Variants in BBOF1 observed in about 807,000 individuals in gnomAD.
The protein encoded by BBOF1 is basal body-orientation factor 1.
Under a neutral mutation model 68.0 loss-of-function variants are expected in BBOF1, and 62 were observed. The observed-to-expected ratio is 0.91, with a 90% CI of 0.74 to 1.13. BBOF1 has a LOEUF of 1.13. BBOF1 is among the 50% of genes most tolerant of loss of function. The probability of loss-of-function intolerance (pLI) is 0.00; values close to 1 mark genes in which losing one functional copy is unlikely to be tolerated. For missense variants in BBOF1, 534 were observed against 600.1 expected (o/e 0.89, Z 1.15); for synonymous variants, 208 against 198.8 (o/e 1.05, Z -0.39).
chr14:74,045,790 A>C (rs2139575249), intron 5 of BBOF1, among the ~76,000 whole-genome samples: 1 of 152,264 alleles, frequency 6.6e-6, no homozygotes, highest in Middle Eastern at 3.4e-3. Flanking sequence ...ATTTAGCAGA[A>C]ATTCCTCCTC....
At position 74,064,885 on chromosome 14, in the gene BBOF1, T is replaced by C; in HGVS notation, c.*186T>C. 6.2e-7 allele frequency: 1 copy of C among 1,614,106 alleles called. No homozygotes were observed. The highest frequency in any genetic ancestry group is 1.1e-5 in the South Asian group (1 of 91,082). On this transcript the variant is annotated 3_prime_UTR_variant, in exon 12 of 12. Transcript: ENST00000394009. ...ATCGAGAGCCGGTGAATGAGAACATTGGCAAAGGCACTGGAATGGGGACAT... is the reference window on the plus strand; with the variant it reads ...ATCGAGAGCCGGTGAATGAGAACATCGGCAAAGGCACTGGAATGGGGACAT...
intron 4 of BBOF1, among the ~76,000 whole-genome samples, chr14:74,040,058 G>A (rs1020325397): frequency 2.8e-5 from 4 of 145,238 alleles, no homozygotes; most frequent in African/African-American, 1.0e-4. Context: ...AGCAATGTGG[G>A]CTCACTGCAG....
Position 74,040,561 on chromosome 14 carries a change from T to G in BBOF1, c.496-4T>G. ...TTTTTGTTTGTTTGTTATTTTAATT[T>G]TAGCTGAAAGAGAATTTAAGAAACA... On this transcript the variant is annotated splice_region_variant and splice_polypyrimidine_tract_variant and intron_variant, in intron 4 of 11. Coordinates refer to ENST00000394009, the MANE Select transcript of BBOF1 (RefSeq NM_025057.3). The G allele has an allele frequency of 6.4e-7, 1 of 1,556,168 alleles. No homozygotes were observed. Among genetic ancestry groups the G allele is most frequent in the East Asian group, 2.3e-5 (1 of 43,952 alleles).
chr14:74,069,105 T>TTTC, downstream of BBOF1: 2 of 913,952 alleles, frequency 2.2e-6, no homozygotes, highest in East Asian at 3.2e-5. Context: ...CTTTTTCTTT[T>TTTC]TTTTTTTTTT....
chr14:74,046,265 C>T, intron 6 of BBOF1, 135 bp downstream of exon 6: 2 of 652,424 alleles, frequency 3.1e-6, no homozygotes, highest in South Asian at 4.8e-5. Context: ...TACTGTCCCT[C>T]CCTGTTTCTT....
chr14:74,047,322 G>A (rs1010490918), intron 6 of BBOF1, among the ~76,000 whole-genome samples: 2 of 152,170 alleles, frequency 1.3e-5, no homozygotes, highest in East Asian at 1.9e-4. Flanking sequence ...AGTTTTTCAC[G>A]TCTAGTCATG....
chr14:74,056,198 A>ATTTT (rs34594924), intron 9 of BBOF1, among the ~76,000 whole-genome samples: 2,119 of 123,872 alleles, frequency 0.017, 69 homozygotes, highest in African/African-American at 0.059. Flanking sequence ...CGCCCGGCTA[A>ATTTT]TTTTTTTTTT....
intron 11 of BBOF1, chr14:74,059,284 T>G: frequency 2.4e-6 from 1 of 408,262 alleles, no homozygotes; most frequent in East Asian, 7.5e-5. Context: ...ATATATAAAA[T>G]TTGGCAAGTA....
intron 10 of BBOF1, chr14:74,081,019 C>T (rs967272684): frequency 6.6e-6 from 1 of 152,248 alleles, no homozygotes; most frequent in Non-Finnish European, 1.5e-5. Flanking sequence ...CTCTCTCTTG[C>T]CTGGCACTGT....
At chr14:74,057,746 C>A in intron 11 of BBOF1, 2 of 1,154,412 alleles carry the variant, frequency 1.7e-6, no homozygotes, top group Admixed American at 4.1e-5. Flanking sequence ...AATGAAGCCA[C>A]ATTAGAACAA....
At chr14:74,057,116 C>T (rs373110080) in intron 10 of BBOF1, 28 bp from the exon 11 acceptor site, 256 of 1,604,216 alleles carry the variant, frequency 1.6e-4, no homozygotes, top group Middle Eastern at 6.7e-4. Context: ...GAGTTGTTGA[C>T]GGTTCTGTTA....
In BBOF1 at chr14:74,029,176, T is replaced by C; in HGVS notation, c.286-8T>C. On this transcript the variant is annotated splice_region_variant and splice_polypyrimidine_tract_variant and intron_variant, in intron 2 of 11. Transcript: ENST00000394009. ...ATCTTCATGACCCTGTATTTTGATT[T>C]TCAACAGATTGAAAAACTGAAACAG... 6.5e-7 allele frequency: 1 copy of C among 1,541,490 alleles called. No individual in the cohort carries two copies.
chr14:74,045,916 G>A, intron 5 of BBOF1, 144 bp from the exon 6 acceptor site: 2 of 623,828 alleles, frequency 3.2e-6, no homozygotes, highest in Non-Finnish European at 2.7e-6. Flanking sequence ...TGTCCTCTTT[G>A]TCAGCTTCTC....
At chr14:74,069,132 T>C, downstream of BBOF1, 4 of 787,844 alleles carry the variant, frequency 5.1e-6, no homozygotes, top group Non-Finnish European at 7.3e-6. Flanking sequence ...TGAGACGGAG[T>C]CTCGCTCTGT....
At chr14:74,067,505 A>C (rs758405647), downstream of BBOF1, 1 of 1,614,110 alleles carries the variant, frequency 6.2e-7, no homozygotes, top group South Asian at 1.1e-5. Flanking sequence ...TGCTGCCCCA[A>C]CCAGCTGGTT....
In BBOF1 at chr14:74,060,599, G is replaced by C. The variant is rs545399557; in HGVS notation, c.1578+3341G>C. The C allele has an allele frequency of 1.5e-4, 207 of 1,342,134 alleles. 1 individual carries two copies. The South Asian group carries it at 2.3e-3, about 15-fold the overall frequency. The allele number at this position is 1,342,134 out of a possible 1,614,324, so 83.1% of individuals were successfully genotyped here. ...ACAAATGAAGCTGGTCAAAAATAAAGGGAGATTACTCAGGATGGAGTCAGT... is the reference window on the plus strand; with the variant it reads ...ACAAATGAAGCTGGTCAAAAATAAACGGAGATTACTCAGGATGGAGTCAGT... On this transcript the variant is annotated intron_variant, in intron 11 of 11. Transcript: ENST00000394009.
In BBOF1 at chr14:74,065,150, T is replaced by C; in HGVS notation, c.*451T>C. Reference sequence around the variant, plus strand: ...CCTCTTAGGAAATAGTAAATGGATATAAGAATCTCTTAAAAATTCTGTTCA... The same window carrying C: ...CCTCTTAGGAAATAGTAAATGGATACAAGAATCTCTTAAAAATTCTGTTCA... On this transcript the variant is annotated 3_prime_UTR_variant, in exon 12 of 12. Transcript: ENST00000394009. The C allele has an allele frequency of 6.2e-7, 1 of 1,611,406 alleles. No individual in the cohort carries two copies. Among genetic ancestry groups the C allele is most frequent in the East Asian group, 2.2e-5 (1 of 44,866 alleles).
At chr14:74,039,093 A>G (rs1368064171) in intron 4 of BBOF1, among the ~76,000 whole-genome samples, 4 of 152,170 alleles carry the variant, frequency 2.6e-5, no homozygotes, top group Non-Finnish European at 5.9e-5. Flanking sequence ...AAAATGATCC[A>G]TCCCTTACAA....
In BBOF1 at chr14:74,064,673, T is replaced by C; in HGVS notation, c.1579-15T>C. The C allele has an allele frequency of 1.9e-6, 3 of 1,614,034 alleles. No homozygotes were observed. Among genetic ancestry groups the C allele is most frequent in the Non-Finnish European group, 2.5e-6 (3 of 1,179,926 alleles). ...AGCTTTGGCAAAATTTTGTTAACTT[T>C]TAAATCTTTTTTAGGGAACCTTCTG... is the stretch of plus-strand genomic sequence containing the variant. On this transcript the variant is annotated splice_polypyrimidine_tract_variant and intron_variant, in intron 11 of 11. Transcript: ENST00000394009.
Sources: gnomAD v4.1 joint callset for allele counts (sites outside exome capture counted in the v4.1 genomes callset) on GRCh38, gnomAD v4.1.1 for gene constraint, MANE v1.5 for transcripts, NCBI Gene and HGNC (gene_info 2026-07-23, HGNC 2026-07-21) for gene names.